FER1L6: variants seen among roughly 807,000 people sequenced by gnomAD.
The protein encoded by FER1L6 is fer-1 like family member 6, also known as fer-1-like protein 6.
A neutral mutation model predicts 219.2 loss-of-function variants in FER1L6; 177 were observed. The ratio of observed to expected loss-of-function variants is 0.81; its 90% confidence interval spans 0.71 to 0.91. The LOEUF (loss-of-function observed/expected upper bound fraction) is 0.91, where lower values mean the gene tolerates loss of function less well. FER1L6 is among the 40% of genes least tolerant of loss of function. The pLI is 0.00. For missense variants in FER1L6, 2,153 were observed against 2,259.9 expected, an observed-to-expected ratio of 0.95 and a Z score of 0.96; for synonymous variants, 768 against 824.3, an observed-to-expected ratio of 0.93 and a Z score of 1.17.
At chr8:123,864,346 C>T (rs2130260849) in intron 1 of FER1L6, among the ~76,000 whole-genome samples, 1 of 149,098 alleles carries the variant, frequency 6.7e-6, no homozygotes, top group South Asian at 2.1e-4. Context: ...GCCTAGAGAT[C>T]CGCTGTTAGT....
rs573630580 is a variant in FER1L6 at position 123,960,585 on chromosome 8, A to T, written c.77-2693A>T. 3.9e-5 allele frequency among the ~76,000 whole-genome samples: 6 copies of T among 152,320 alleles called. No homozygotes were observed. In the East Asian group the frequency reaches 1.2e-3, roughly 29 times the overall value. On this transcript the variant is annotated intron_variant, in intron 2 of 40. Transcript: ENST00000522917. ...AAGGCAGATGTATTCTCTCTCAGTT[A>T]TGGAGGCCAAATGCTGGAAATCAGT...
intron 26 of FER1L6, among the ~76,000 whole-genome samples, chr8:124,065,115 C>T (rs918875274): frequency 2.0e-5 from 3 of 151,952 alleles, no homozygotes; most frequent in Non-Finnish European, 2.9e-5. Flanking sequence ...CTTAAGGGGC[C>T]GGGCATGGTG....
intron 30 of FER1L6, 22 bp downstream of exon 30, chr8:124,070,620 T>G (rs774503717): frequency 6.4e-7 from 1 of 1,552,766 alleles, no homozygotes; most frequent in African/African-American, 1.4e-5. Context: ...TTTTAATCCT[T>G]TTATTTGGCT....
At chr8:124,056,283 A>G (rs1320173824) in intron 22 of FER1L6, among the ~76,000 whole-genome samples, 1 of 152,196 alleles carries the variant, frequency 6.6e-6, no homozygotes, top group Non-Finnish European at 1.5e-5. Flanking sequence ...CACACCCCCA[A>G]AAGGGGCCAC....
Position 123,853,122 on chromosome 8 carries a change from G to A in FER1L6, c.-8+937G>A, listed in dbSNP as rs1816546191. Among the ~76,000 whole-genome samples, 1 of 152,126 alleles carries A rather than the reference G, an allele frequency of 6.6e-6. No individual in the cohort carries two copies. Among genetic ancestry groups the A allele is most frequent in the Non-Finnish European group, 1.5e-5 (1 of 68,028 alleles). ...GCCTTCCAAAGTGCTCGGATTACGT[G>A]CGTGAGCCACTGTGCCCACCCTCAG... On this transcript the variant is annotated intron_variant, in intron 1 of 40. Coordinates refer to ENST00000522917, the MANE Select transcript of FER1L6 (RefSeq NM_001039112.2). This position sits in a 1 kb window ranked among gnomAD's most constrained non-coding sequence, Gnocchi z 6.6.
intron 1 of FER1L6, among the ~76,000 whole-genome samples, chr8:123,897,232 TGGATACCAACCA>T (rs1812762051): frequency 6.6e-6 from 1 of 152,212 alleles, no homozygotes; most frequent in Admixed American, 6.5e-5. Flanking sequence ...TTATCCCCTC[TGGATACCAACCA>T]GGATATTCTT....
chr8:124,113,443 TAGAC>T (rs1823103393), intron 39 of FER1L6, among the ~76,000 whole-genome samples: 1 of 152,188 alleles, frequency 6.6e-6, no homozygotes, highest in Admixed American at 6.5e-5. Context: ...CTCAGGAATA[TAGAC>T]AGTGTCCTAC....
At chr8:123,881,240 T>G (rs571729659) in intron 1 of FER1L6, among the ~76,000 whole-genome samples, 2 of 152,228 alleles carry the variant, frequency 1.3e-5, no homozygotes, top group Admixed American at 1.3e-4. Context: ...AAATCCTCAC[T>G]AAAAAAAGAA....
intron 39 of FER1L6, among the ~76,000 whole-genome samples, chr8:124,114,939 T>C (rs187573565): frequency 0.012 from 1,538 of 130,494 alleles, 28 homozygotes; most frequent in Non-Finnish European, 0.014. Flanking sequence ...ATATATTCCT[T>C]TTCCTAAAAG....
chr8:124,017,720 T>C lies in FER1L6; in HGVS notation c.2013+2T>C, dbSNP rs1295789915. On this transcript the variant is annotated splice_donor_variant, in intron 16 of 40. Transcript: ENST00000522917. LOFTEE classifies it high-confidence loss of function. Reference sequence around the variant, plus strand: ...CTTACGCTCTGCTGGCAGGAGCTGGTATGTGAAAATCTATTTATACTTTGT... The same window carrying C: ...CTTACGCTCTGCTGGCAGGAGCTGGCATGTGAAAATCTATTTATACTTTGT... 5 of 1,611,452 alleles carry C rather than the reference T, an allele frequency of 3.1e-6. 1 individual carries two copies. In the East Asian group the frequency reaches 8.9e-5, roughly 29 times the overall value.
intron 22 of FER1L6, among the ~76,000 whole-genome samples, chr8:124,052,670 A>G (rs1820100566): frequency 6.6e-6 from 1 of 152,078 alleles, no homozygotes; most frequent in Non-Finnish European, 1.5e-5. Flanking sequence ...CTGTAATCCC[A>G]GCTACTCCGG....
intron 1 of FER1L6, among the ~76,000 whole-genome samples, chr8:123,913,669 G>A (rs1025335760): frequency 6.6e-6 from 1 of 152,136 alleles, no homozygotes; most frequent in African/African-American, 2.4e-5. Context: ...GGACTGTGGA[G>A]TTATTGGAGA....
intron 33 of FER1L6, 29 bp downstream of exon 33, chr8:124,082,487 G>T: frequency 6.2e-7 from 1 of 1,604,702 alleles, no homozygotes; most frequent in Non-Finnish European, 8.5e-7. Flanking sequence ...GGAGACACTT[G>T]GTATTCTGAA....
At chr8:124,118,226 A>G (rs1823328715) in intron 39 of FER1L6, among the ~76,000 whole-genome samples, 1 of 152,216 alleles carries the variant, frequency 6.6e-6, no homozygotes, top group African/African-American at 2.4e-5. Context: ...TTGATAAATC[A>G]AGACATACAT....
At chr8:123,887,372 G>A (rs1318029484) in intron 1 of FER1L6, among the ~76,000 whole-genome samples, 1 of 152,120 alleles carries the variant, frequency 6.6e-6, no homozygotes, top group Admixed American at 6.5e-5. Context: ...CTCCTGGCTC[G>A]GTTGCCATGG....
intron 37 of FER1L6, among the ~76,000 whole-genome samples, chr8:124,100,607 C>G (rs984547418): frequency 1.3e-5 from 2 of 152,090 alleles, no homozygotes; most frequent in African/African-American, 4.8e-5. Flanking sequence ...AGGAGGGGAC[C>G]AATTATAGTC....
chr8:124,103,204 T>C lies in FER1L6; in HGVS notation c.5184T>C (p.Cys1728=). ...FPRAAKSAKA[C]DLAKFENASE... ...GAGCAGCTAAGTCTGCCAAAGCCTG[T>C]GATCTTGCCAAGTTTGAAAATGCAA... Residue 1728 remains cysteine, a synonymous_variant, in exon 39 of 41, where the codon TGT becomes TGC. Coordinates refer to ENST00000522917, the MANE Select transcript of FER1L6 (RefSeq NM_001039112.2). The C allele has an allele frequency of 1.9e-6, 3 of 1,614,156 alleles. No homozygotes were observed. The highest frequency in any genetic ancestry group is 2.2e-5 in the South Asian group (2 of 91,080).
At chr8:124,000,818 C>T (rs1817374640) in intron 12 of FER1L6, among the ~76,000 whole-genome samples, 2 of 152,172 alleles carry the variant, frequency 1.3e-5, no homozygotes, top group South Asian at 2.1e-4. Context: ...AAATACATCC[C>T]TTTTAAGCCG....
At chr8:124,067,620 G>A (rs1334853370) in intron 27 of FER1L6, 147 bp from the exon 28 acceptor site, 23 of 697,236 alleles carry the variant, frequency 3.3e-5, no homozygotes, top group Admixed American at 1.8e-4. Flanking sequence ...TTTACAGTGC[G>A]GCTTCATTTT....
Sources: allele counts gnomAD v4.1 joint callset (sites outside exome capture counted in the v4.1 genomes callset), GRCh38; gene constraint gnomAD v4.1.1; non-coding constraint Gnocchi (gnomAD v3.1); transcripts MANE v1.5; gene names NCBI Gene and HGNC (gene_info 2026-07-23, HGNC 2026-07-21).